The following COPG2 variants were observed in gnomAD, a reference collection of about 807,000 sequenced individuals.
COPG2 encodes the protein coatomer subunit gamma-2.
A neutral mutation model predicts 46.3 loss-of-function variants in COPG2; 37 were observed. The observed-to-expected ratio is 0.80, with a 90% CI of 0.61 to 1.05. The LOEUF is 1.05. Ranked by LOEUF, COPG2 falls within the 50% of genes least tolerant of loss-of-function variation. The pLI is 0.00. For synonymous variants in COPG2, 159 were observed against 129.7 expected (o/e 1.23, Z -1.53); for missense variants, 427 against 387.8 (o/e 1.10, Z -0.85).
intron 9 of COPG2, among the ~76,000 whole-genome samples, chr7:130,591,891 TGGGA>T (rs1794435061): frequency 6.6e-6 from 1 of 151,990 alleles, no homozygotes; most frequent in South Asian, 2.1e-4. Flanking sequence ...CCACCCCGTC[TGGGA>T]GGTGTACTCA....
intron 9 of COPG2, among the ~76,000 whole-genome samples, chr7:130,570,249 A>G (rs1472128945): frequency 6.6e-6 from 1 of 152,180 alleles, no homozygotes; most frequent in Non-Finnish European, 1.5e-5. Context: ...AAATTGGTAA[A>G]GAGGAAGTTA....
At position 130,611,051 on chromosome 7, in the gene COPG2, C is replaced by T. The variant is rs782291825; in HGVS notation, c.639G>A (p.Lys213=). ...LRKNDRLAVS[K]MLNKFTKSGL... ...CAGATTTAGTAAACTTATTCAACAT[C>T]TTGGAAACAGCAAGTCGATCATTCT... The change falls in exon 9 of 24, where the codon AAG becomes AAA. Residue 213 remains lysine, a synonymous_variant. Coordinates refer to ENST00000425248, the MANE Select transcript of COPG2 (RefSeq NM_012133.6). The T allele has an allele frequency of 2.5e-6, 4 of 1,613,816 alleles. No individual in the cohort carries two copies. The highest frequency in any genetic ancestry group is 3.3e-4 in the Middle Eastern group (2 of 6,062).
At chr7:130,543,447 G>A (rs989107300) in intron 20 of COPG2, among the ~76,000 whole-genome samples, 3 of 152,208 alleles carry the variant, frequency 2.0e-5, no homozygotes, top group Non-Finnish European at 4.4e-5. Flanking sequence ...GGAAACACTT[G>A]ATGAATGCTT....
intron 5 of COPG2, among the ~76,000 whole-genome samples, chr7:130,617,350 C>A (rs1256534915): frequency 1.3e-5 from 2 of 152,134 alleles, no homozygotes; most frequent in East Asian, 3.8e-4. Context: ...ACAAAACAAC[C>A]CCTTCCCCAT....
At chr7:130,667,562 T>G in intron 1 of COPG2, 28 bp from the exon 2 acceptor site, 1 of 1,594,198 alleles carries the variant, frequency 6.3e-7, no homozygotes, top group Non-Finnish European at 8.6e-7. Context: ...CAAAAAAATG[T>G]CCTGAACAGC....
chr7:130,577,775 AAAAAAAAAAAAAAC>A (rs1315459268), intron 9 of COPG2, among the ~76,000 whole-genome samples: 1 of 147,458 alleles, frequency 6.8e-6, no homozygotes, highest in African/African-American at 2.5e-5. Context: ...CTCAAAAAAA[AAAAAAAAAAAAAAC>A]AAAAAAAAAA....
chr7:130,645,376 C>T, intron 5 of COPG2: 1 of 545,678 alleles, frequency 1.8e-6, no homozygotes, highest in Non-Finnish European at 3.7e-6. Context: ...TAGACATCTG[C>T]CCTCCAGGAC....
chr7:130,587,127 T>TGTA (rs1349712458), intron 9 of COPG2, among the ~76,000 whole-genome samples: 119 of 151,836 alleles, frequency 7.8e-4, no homozygotes, highest in African/African-American at 2.8e-3. Context: ...GCCAGCATGA[T>TGTA]GAAACCCCGT....
At chr7:130,574,817 A>C (rs184987824) in intron 9 of COPG2, among the ~76,000 whole-genome samples, 4 of 152,318 alleles carry the variant, frequency 2.6e-5, no homozygotes, top group Non-Finnish European at 5.9e-5. Context: ...CAAGAAGTGA[A>C]GGGAGAAATA....
At chr7:130,519,901 G>A (rs1217059626) in intron 20 of COPG2, among the ~76,000 whole-genome samples, 1 of 152,180 alleles carries the variant, frequency 6.6e-6, no homozygotes, top group African/African-American at 2.4e-5. Flanking sequence ...AAGAATAGAA[G>A]TTGGATAGGC....
chr7:130,609,051 A>G (rs1045746638), intron 9 of COPG2, among the ~76,000 whole-genome samples: 4 of 151,176 alleles, frequency 2.6e-5, no homozygotes, highest in African/African-American at 4.9e-5. Flanking sequence ...TAATTTTTGT[A>G]TTTTCTTCTG....
intron 5 of COPG2, among the ~76,000 whole-genome samples, chr7:130,626,599 A>G (rs1795125960): frequency 6.6e-6 from 1 of 152,042 alleles, no homozygotes; most frequent in South Asian, 2.1e-4. Flanking sequence ...GAAATCGGCC[A>G]GAAGTCCCTC....
chr7:130,629,725 T>A (rs992339933), intron 5 of COPG2, among the ~76,000 whole-genome samples: 6 of 152,008 alleles, frequency 3.9e-5, no homozygotes, highest in African/African-American at 1.4e-4. Flanking sequence ...TATGCTAGTC[T>A]GTTTGATATT....
At chr7:130,561,722 T>C (rs1793724734) in intron 11 of COPG2, among the ~76,000 whole-genome samples, 1 of 152,208 alleles carries the variant, frequency 6.6e-6, no homozygotes, top group African/African-American at 2.4e-5. Context: ...CCTCTTTGTC[T>C]ATCCCAATAT....
chr7:130,606,305 G>A (rs1794729066), intron 9 of COPG2, among the ~76,000 whole-genome samples: 2 of 150,622 alleles, frequency 1.3e-5, no homozygotes, highest in South Asian at 2.1e-4. Flanking sequence ...AGAAAGAAAA[G>A]AAAGAAAGAG....
intron 9 of COPG2, among the ~76,000 whole-genome samples, chr7:130,590,784 T>C (rs143771252): frequency 0.78 from 116,412 of 149,302 alleles, 45,677 homozygotes; most frequent in Non-Finnish European, 0.85. Context: ...CGTCTCTGCC[T>C]GGCCGCCCAT....
intron 20 of COPG2, among the ~76,000 whole-genome samples, chr7:130,517,622 A>G (rs1025278009): frequency 1.3e-5 from 2 of 152,196 alleles, no homozygotes; most frequent in Non-Finnish European, 2.9e-5. Context: ...TCTGTAGAGG[A>G]AATTAATTGT....
At chr7:130,513,922 G>A (rs961974451) in intron 20 of COPG2, among the ~76,000 whole-genome samples, 2 of 152,148 alleles carry the variant, frequency 1.3e-5, no homozygotes, top group Admixed American at 6.5e-5. Context: ...GGAGGGATAC[G>A]GCCCCATAAG....
intron 5 of COPG2, among the ~76,000 whole-genome samples, chr7:130,617,442 C>T (rs1030233873): frequency 2.6e-5 from 4 of 152,148 alleles, no homozygotes; most frequent in African/African-American, 9.7e-5. Context: ...ACCCCCAAAT[C>T]CTAAAATCCC....
Sources: gnomAD v4.1 joint callset for allele counts (sites outside exome capture counted in the v4.1 genomes callset) on GRCh38, gnomAD v4.1.1 for gene constraint, MANE v1.5 for transcripts, NCBI Gene and HGNC (gene_info 2026-07-23, HGNC 2026-07-21) for gene names.